The following WNT7B variants were observed in gnomAD, a reference collection of about 807,000 sequenced individuals.
The protein encoded by WNT7B is Wnt family member 7B, also known as protein Wnt-7b.
A neutral mutation model predicts 38.2 loss-of-function variants in WNT7B; 19 were observed. The observed-to-expected ratio is 0.50, with a 90% confidence interval of 0.35 to 0.73. The LOEUF is 0.73. Ranked by LOEUF, WNT7B falls within the 30% of genes least tolerant of loss-of-function variation. The pLI, the probability that WNT7B is intolerant of heterozygous loss-of-function variation, is 0.01. For missense variants in WNT7B, 423 were observed against 507.9 expected, an observed-to-expected ratio of 0.83 and a Z score of 1.61; for synonymous variants, 243 against 209.3, an observed-to-expected ratio of 1.16 and a Z score of -1.39.
chr22:45,943,084 T>C (rs1209999281), intron 2 of WNT7B, among the ~76,000 whole-genome samples: 1 of 151,928 alleles, frequency 6.6e-6, no homozygotes, highest in Non-Finnish European at 1.5e-5. Context: ...TGTGCACGTG[T>C]GTGCGTGTGT....
intron 2 of WNT7B, among the ~76,000 whole-genome samples, chr22:45,943,621 C>T (rs1931723244): frequency 6.6e-6 from 1 of 152,200 alleles, no homozygotes; most frequent in Non-Finnish European, 1.5e-5. Context: ...CTCTCAGCAC[C>T]TGGATCCTGG....
intron 2 of WNT7B, among the ~76,000 whole-genome samples, chr22:45,942,360 C>A (rs1413326466): frequency 6.6e-6 from 1 of 152,248 alleles, no homozygotes; most frequent in Admixed American, 6.5e-5. Flanking sequence ...TTGACCCTAG[C>A]CAGGGCTCAG....
intron 3 of WNT7B, among the ~76,000 whole-genome samples, chr22:45,930,880 T>A (rs1931326155): frequency 6.6e-6 from 1 of 152,128 alleles, no homozygotes; most frequent in East Asian, 1.9e-4. Context: ...CGCGTTGGCA[T>A]TCAGAGCCTC....
chr22:45,942,873 G>A (rs1246968256), intron 2 of WNT7B, among the ~76,000 whole-genome samples: 3 of 151,762 alleles, frequency 2.0e-5, no homozygotes, highest in Admixed American at 6.6e-5. Context: ...GTGTGTGTGC[G>A]TGTGTGCATG....
chr22:45,956,088 C>T (rs1229844427), intron 1 of WNT7B, among the ~76,000 whole-genome samples: 1 of 152,194 alleles, frequency 6.6e-6, no homozygotes, highest in African/African-American at 2.4e-5. Flanking sequence ...CAGACGAGAG[C>T]AGGAGTGGAC....
chr22:45,968,637 A>C (rs1932363848), intron 1 of WNT7B, among the ~76,000 whole-genome samples: 2 of 152,216 alleles, frequency 1.3e-5, no homozygotes, highest in South Asian at 4.1e-4. Flanking sequence ...CAGACGGTCC[A>C]GGATGCACAT....
intron 2 of WNT7B, among the ~76,000 whole-genome samples, chr22:45,945,117 C>T (rs1053413855): frequency 1.3e-5 from 2 of 151,856 alleles, no homozygotes; most frequent in Non-Finnish European, 1.5e-5. Context: ...GAGATTCACT[C>T]TTGTTGCCCA....
chr22:45,955,785 G>T (rs1387318715), intron 1 of WNT7B, among the ~76,000 whole-genome samples: 1 of 152,174 alleles, frequency 6.6e-6, no homozygotes, highest in East Asian at 1.9e-4. Context: ...TATGGGAGAA[G>T]AGTTTAGCCC....
At chr22:45,938,251 G>A (rs985889443) in intron 2 of WNT7B, among the ~76,000 whole-genome samples, 1 of 152,166 alleles carries the variant, frequency 6.6e-6, no homozygotes, top group Non-Finnish European at 1.5e-5. Context: ...ACATGGAGGA[G>A]CGAAAAAAGT....
At chr22:45,959,517 T>C (rs1448579025) in intron 1 of WNT7B, among the ~76,000 whole-genome samples, 1 of 152,240 alleles carries the variant, frequency 6.6e-6, no homozygotes, top group Non-Finnish European at 1.5e-5. Flanking sequence ...GGCTGTGCTA[T>C]GACAAAGATG....
intron 1 of WNT7B, among the ~76,000 whole-genome samples, chr22:45,964,716 G>A (rs759900027): frequency 7.9e-5 from 12 of 151,920 alleles, no homozygotes; most frequent in South Asian, 2.1e-4. Flanking sequence ...GGGAGTTCAC[G>A]GGGCCCCAGA....
At chr22:45,925,982 CT>C in intron 3 of WNT7B, 1 of 943,270 alleles carries the variant, frequency 1.1e-6, no homozygotes, top group Non-Finnish European at 1.3e-6. Context: ...CCTCCCTCCC[CT>C]GTCCCTGTCT....
At chr22:45,971,998 G>A (rs1223599447) in intron 1 of WNT7B, among the ~76,000 whole-genome samples, 3 of 152,176 alleles carry the variant, frequency 2.0e-5, no homozygotes, top group Non-Finnish European at 4.4e-5. Flanking sequence ...AGCTTAGGCT[G>A]GCGAGGCGAC....
intron 1 of WNT7B, chr22:45,972,137 G>A (rs1203142578): frequency 2.2e-5 from 5 of 228,586 alleles, no homozygotes; most frequent in Non-Finnish European, 4.1e-5. Context: ...CACCCCGCAC[G>A]CCGCCCGCGG....
Position 45,966,551 on chromosome 22 carries a change from G to A in WNT7B, c.71+10133C>T, listed in dbSNP as rs759180401. Among the ~76,000 whole-genome samples, 18 of 152,200 alleles carry A rather than the reference G, an allele frequency of 1.2e-4. No homozygotes were observed. The highest frequency in any genetic ancestry group is 1.8e-4 in the Non-Finnish European group (12 of 68,040). ...GGGATGCTCACTCGGGCTCTTCTCC[G>A]TTGCTGCTGACACCCGGCAAGCTGC... On this transcript the variant is annotated intron_variant, in intron 1 of 3. Coordinates refer to ENST00000339464, the MANE Select transcript of WNT7B (RefSeq NM_058238.3). This position sits in a 1 kb window ranked among gnomAD's most constrained non-coding sequence, Gnocchi z 4.2.
chr22:45,951,012 G>C lies in WNT7B; in HGVS notation c.72-866C>G, dbSNP rs967759421. On this transcript the variant is annotated intron_variant, in intron 1 of 3. Coordinates refer to ENST00000339464, the MANE Select transcript of WNT7B (RefSeq NM_058238.3). The surrounding 1 kb of genome is among the most constrained non-coding windows in gnomAD (Gnocchi z 4.8). ...TCTCAGGACCTGAAGCCCTAGACAA[G>C]AACCCGCAGGTCACGCTCACTCTAC... Among the ~76,000 whole-genome samples the C allele has an allele frequency of 6.6e-6, 1 of 152,232 alleles. No homozygotes were observed. Among genetic ancestry groups the C allele is most frequent in the Admixed American group, 6.5e-5 (1 of 15,280 alleles).
chr22:45,970,930 G>C (rs529187535), intron 1 of WNT7B, among the ~76,000 whole-genome samples: 2 of 152,266 alleles, frequency 1.3e-5, no homozygotes, highest in Admixed American at 6.5e-5. Flanking sequence ...GGCCTGGAGC[G>C]CTCTCTGTGC....
At chr22:45,923,427 C>T (rs1370548858) in intron 3 of WNT7B, 92 bp from the exon 4 acceptor site, 3 of 1,483,190 alleles carry the variant, frequency 2.0e-6, no homozygotes, top group Non-Finnish European at 2.7e-6. Flanking sequence ...AGCCCTGGAG[C>T]CCGCTCCTCC....
At chr22:45,974,304 G>A (rs1364091478) in intron 1 of WNT7B, among the ~76,000 whole-genome samples, 1 of 152,166 alleles carries the variant, frequency 6.6e-6, no homozygotes, top group East Asian at 1.9e-4. Context: ...CAGCCCATTG[G>A]TCCCAGACTC....
Sources: allele counts gnomAD v4.1 joint callset (sites outside exome capture counted in the v4.1 genomes callset), GRCh38; gene constraint gnomAD v4.1.1; non-coding constraint Gnocchi (gnomAD v3.1); transcripts MANE v1.5; gene names NCBI Gene and HGNC (gene_info 2026-07-23, HGNC 2026-07-21).